RPGRIP1L: variants seen among roughly 807,000 people sequenced by gnomAD.
RPGRIP1L encodes RPGRIP1 like.
RPGRIP1L carries 131 observed loss-of-function variants against 160.4 expected under a neutral mutation model. That is an observed-to-expected ratio of 0.82 (90% CI 0.71 to 0.94). The LOEUF is 0.94. Among genes scored for constraint, RPGRIP1L ranks in the 40% least tolerant of loss-of-function variants. The probability of loss-of-function intolerance (pLI) is 0.00; values close to 1 mark genes in which losing one functional copy is unlikely to be tolerated. For synonymous variants in RPGRIP1L, 510 were observed against 515.8 expected (o/e 0.99, Z 0.15); for missense variants, 1,522 against 1,535.8 (o/e 0.99, Z 0.15).
chr16:53,686,341 T>C (rs1598400855), intron 6 of RPGRIP1L, 92 bp downstream of exon 6: 2 of 1,313,074 alleles, frequency 1.5e-6, no homozygotes, highest in South Asian at 2.5e-5. Flanking sequence ...GATTTTTAAA[T>C]AGACTAGATA....
intron 10 of RPGRIP1L, among the ~76,000 whole-genome samples, chr16:53,660,826 G>C (rs1373333448): frequency 8.6e-5 from 13 of 150,736 alleles, no homozygotes; most frequent in Admixed American, 8.6e-4. Flanking sequence ...CCAGGAGGCA[G>C]AGGTTGCTGT....
intron 16 of RPGRIP1L, among the ~76,000 whole-genome samples, chr16:53,647,212 GT>G (rs1255458875): frequency 1.3e-5 from 2 of 152,192 alleles, no homozygotes; most frequent in African/African-American, 2.4e-5. Flanking sequence ...TCTTTCTTAA[GT>G]TTGGGAATCA....
chr16:53,688,184 C>T (rs932934293), intron 4 of RPGRIP1L, among the ~76,000 whole-genome samples: 19 of 152,128 alleles, frequency 1.2e-4, no homozygotes, highest in African/African-American at 3.6e-4. Context: ...GCTCATTTTA[C>T]AAATCTACTG....
intron 3 of RPGRIP1L, chr16:53,695,803 T>C: frequency 3.1e-6 from 1 of 327,232 alleles, no homozygotes; most frequent in Non-Finnish European, 5.6e-6. Context: ...TAGTTACTTT[T>C]TAAAACTTTC....
chr16:53,664,762 A>G (rs529409034), intron 10 of RPGRIP1L, 108 bp downstream of exon 10: 13 of 1,228,844 alleles, frequency 1.1e-5, no homozygotes, highest in Non-Finnish European at 1.5e-5. Flanking sequence ...TCCCTCATAC[A>G]TTGCGGGGAT....
intron 22 of RPGRIP1L, among the ~76,000 whole-genome samples, chr16:53,628,034 G>A (rs1028178124): frequency 1.3e-5 from 2 of 151,866 alleles, no homozygotes; most frequent in African/African-American, 4.8e-5. Flanking sequence ...AGAACTGCTG[G>A]GTAATAGGTA....
At chr16:53,672,156 C>T (rs1412055804) in intron 8 of RPGRIP1L, among the ~76,000 whole-genome samples, 1 of 152,044 alleles carries the variant, frequency 6.6e-6, no homozygotes. Flanking sequence ...CAGAAATAAA[C>T]GGAGTAATAA....
chr16:53,691,281 T>C (rs1449054562), intron 4 of RPGRIP1L, among the ~76,000 whole-genome samples: 1 of 152,216 alleles, frequency 6.6e-6, no homozygotes, highest in Non-Finnish European at 1.5e-5. Context: ...ACTTAAGATA[T>C]TTATTGAATT....
chr16:53,660,621 C>G (rs574845361), intron 10 of RPGRIP1L, among the ~76,000 whole-genome samples: 1 of 151,822 alleles, frequency 6.6e-6, no homozygotes, highest in South Asian at 2.1e-4. Context: ...TCAAGGCTGG[C>G]GCAGTGGCTC....
At chr16:53,627,826 T>C (rs1207044181) in intron 22 of RPGRIP1L, among the ~76,000 whole-genome samples, 1 of 149,832 alleles carries the variant, frequency 6.7e-6, no homozygotes, top group Non-Finnish European at 1.5e-5. Flanking sequence ...GAATCCTATT[T>C]ATATTGCATA....
intron 6 of RPGRIP1L, among the ~76,000 whole-genome samples, chr16:53,680,697 G>A (rs971663441): frequency 6.6e-6 from 1 of 152,132 alleles, no homozygotes; most frequent in Non-Finnish European, 1.5e-5. Flanking sequence ...TTGTGGTTAT[G>A]TAGGAGGATG....
At chr16:53,649,886 A>G (rs559070037) in intron 15 of RPGRIP1L, among the ~76,000 whole-genome samples, 5 of 152,270 alleles carry the variant, frequency 3.3e-5, no homozygotes, top group African/African-American at 1.2e-4. Context: ...TTCCACCAAT[A>G]TACTCCTACT....
intron 2 of RPGRIP1L, 90 bp downstream of exon 2, chr16:53,700,549 G>A: frequency 1.0e-6 from 1 of 991,912 alleles, no homozygotes. Context: ...TACTTAAATG[G>A]TTTGGTTTGT....
chr16:53,695,379 G>A (rs1567891878), intron 3 of RPGRIP1L: 3 of 702,950 alleles, frequency 4.3e-6, no homozygotes, highest in East Asian at 2.7e-5. Context: ...AACTGAACTG[G>A]AACCACCTCC....
chr16:53,643,569 T>C (rs1176849522), intron 17 of RPGRIP1L, among the ~76,000 whole-genome samples: 1 of 152,190 alleles, frequency 6.6e-6, no homozygotes, highest in African/African-American at 2.4e-5. Flanking sequence ...GGAAACCTAC[T>C]GGCTCAAGGT....
At chr16:53,604,458 T>G (rs1035972196) in intron 26 of RPGRIP1L, among the ~76,000 whole-genome samples, 1 of 152,246 alleles carries the variant, frequency 6.6e-6, no homozygotes, top group Non-Finnish European at 1.5e-5. Context: ...TCAGCCTTAT[T>G]TCTCTATTTA....
intron 4 of RPGRIP1L, among the ~76,000 whole-genome samples, chr16:53,690,177 T>C (rs911830495): frequency 6.6e-6 from 1 of 152,216 alleles, no homozygotes; most frequent in Non-Finnish European, 1.5e-5. Context: ...TTAGATTTAA[T>C]GTAAAATCTG....
intron 25 of RPGRIP1L, among the ~76,000 whole-genome samples, chr16:53,607,550 C>T (rs1963765257): frequency 6.6e-6 from 1 of 152,172 alleles, no homozygotes; most frequent in South Asian, 2.1e-4. Flanking sequence ...TATTATAACA[C>T]AAGACTTACA....
At chr16:53,697,702 C>T (rs1490479574) in intron 2 of RPGRIP1L, among the ~76,000 whole-genome samples, 8 of 152,002 alleles carry the variant, frequency 5.3e-5, no homozygotes, top group African/African-American at 1.7e-4. Context: ...GGCGTGATCT[C>T]GGCTCGCTAC....
Sources: allele counts gnomAD v4.1 joint callset (sites outside exome capture counted in the v4.1 genomes callset), GRCh38; gene constraint gnomAD v4.1.1; transcripts MANE v1.5; gene names NCBI Gene and HGNC (gene_info 2026-07-23, HGNC 2026-07-21).